DMXL1: variants seen among roughly 807,000 people sequenced by gnomAD.
The protein encoded by DMXL1 is dmX-like protein 1.
DMXL1 carries 99 observed loss-of-function variants against 319.2 expected under a neutral mutation model. That is an observed-to-expected ratio of 0.31 (90% CI 0.26 to 0.37). The LOEUF (loss-of-function observed/expected upper bound fraction) is 0.37. DMXL1 is among the 10% of genes least tolerant of loss of function. The probability of loss-of-function intolerance (pLI) is 1.00; values close to 1 mark genes in which losing one functional copy is unlikely to be tolerated. For missense variants in DMXL1, 3,745 were observed against 3,595.6 expected (o/e 1.04, Z -1.06); for synonymous variants, 1,385 against 1,235.2 (o/e 1.12, Z -2.54).
At chr5:119,117,221 TGTA>T (rs1761039601) in intron 7 of DMXL1, among the ~76,000 whole-genome samples, 1 of 152,082 alleles carries the variant, frequency 6.6e-6, no homozygotes, top group Non-Finnish European at 1.5e-5. Context: ...TCGGATTTTT[TGTA>T]GAGATGGGGT....
At chr5:119,127,861 T>C in intron 9 of DMXL1, 1 of 336,654 alleles carries the variant, frequency 3.0e-6, no homozygotes. Context: ...ATTTCTCTGG[T>C]ATCAGCATGT....
intron 28 of DMXL1, among the ~76,000 whole-genome samples, chr5:119,185,806 C>A (rs939327006): frequency 2.7e-5 from 4 of 147,034 alleles, no homozygotes; most frequent in Non-Finnish European, 4.5e-5. Context: ...CCTGGCCAGA[C>A]TTTTTTTTTT....
intron 3 of DMXL1, chr5:119,104,400 CT>C (rs1757902028): frequency 6.6e-6 from 1 of 152,144 alleles, no homozygotes; most frequent in East Asian, 1.9e-4. Flanking sequence ...CATCCTGAAG[CT>C]TTTGAACCTG....
chr5:119,149,223 C>T lies in DMXL1; in HGVS notation c.3396C>T (p.Ile1132=), dbSNP rs1769236678. 2 of 1,613,818 alleles carry T rather than the reference C, an allele frequency of 1.2e-6. No homozygotes were observed. Among genetic ancestry groups the T allele is most frequent in the Non-Finnish European group, 8.5e-7 (1 of 1,179,850 alleles). The change falls in exon 18 of 44, where the codon ATC becomes ATT. Residue 1132 remains isoleucine (I), a synonymous_variant. Coordinates refer to ENST00000539542, the MANE Select transcript of DMXL1 (RefSeq NM_001290321.3). ...TGTATTTATCTAGTAAAGAGAATATCACATCAAACACAAAGCATTTAGTTC... is the reference window on the plus strand; with the variant it reads ...TGTATTTATCTAGTAAAGAGAATATTACATCAAACACAAAGCATTTAGTTC... ...QDMYLSSKEN[I]TSNTKHLVHL...
intron 28 of DMXL1, among the ~76,000 whole-genome samples, chr5:119,186,320 G>A (rs933556736): frequency 3.3e-5 from 5 of 152,176 alleles, no homozygotes; most frequent in African/African-American, 1.2e-4. Context: ...GCCCAGGCTG[G>A]AGTGCAATGG....
intron 32 of DMXL1, 50 bp downstream of exon 32, chr5:119,198,006 T>C: frequency 6.4e-7 from 1 of 1,565,434 alleles, no homozygotes; most frequent in Non-Finnish European, 8.8e-7. Context: ...GTTTGTTTTT[T>C]GAGATGGTGT....
At chr5:119,203,013 C>G (rs1463805427) in intron 32 of DMXL1, among the ~76,000 whole-genome samples, 2 of 150,568 alleles carry the variant, frequency 1.3e-5, no homozygotes, top group African/African-American at 2.4e-5. Flanking sequence ...TCAAATATTT[C>G]AAAATCTGAA....
At chr5:119,158,419 GCAAA>G (rs1771570528) in intron 19 of DMXL1, among the ~76,000 whole-genome samples, 1 of 152,112 alleles carries the variant, frequency 6.6e-6, no homozygotes, top group South Asian at 2.1e-4. Flanking sequence ...TGTGTTGTTA[GCAAA>G]CAGTGACATT....
chr5:119,216,871 C>T (rs1290206090), intron 34 of DMXL1, 30 bp from the exon 35 acceptor site: 1 of 1,221,484 alleles, frequency 8.2e-7, no homozygotes, highest in Non-Finnish European at 1.2e-6. Flanking sequence ...AAAATCAGTG[C>T]ATTTTTGTGT....
At chr5:119,146,484 C>A (rs1768565797) in intron 15 of DMXL1, among the ~76,000 whole-genome samples, 1 of 151,892 alleles carries the variant, frequency 6.6e-6, no homozygotes, top group South Asian at 2.1e-4. Flanking sequence ...AAATGTTTGG[C>A]ACCACCATTT....
chr5:119,171,357 C>T, intron 24 of DMXL1, 77 bp downstream of exon 24: 2 of 1,402,906 alleles, frequency 1.4e-6, no homozygotes, highest in Non-Finnish European at 1.9e-6. Context: ...GTTTTGAATA[C>T]TAAGACTTGA....
At chr5:119,195,166 C>T (rs1417572282) in intron 30 of DMXL1, among the ~76,000 whole-genome samples, 2 of 151,988 alleles carry the variant, frequency 1.3e-5, no homozygotes, top group Non-Finnish European at 2.9e-5. Context: ...AATCGTGCAG[C>T]AACTGTGGAA....
intron 3 of DMXL1, among the ~76,000 whole-genome samples, chr5:119,102,416 A>T (rs1251841916): frequency 2.6e-5 from 4 of 152,196 alleles, no homozygotes; most frequent in Admixed American, 2.6e-4. Context: ...AGATCATGTA[A>T]TACAGTCGTT....
chr5:119,200,924 C>A (rs567639785), intron 32 of DMXL1, among the ~76,000 whole-genome samples: 1 of 152,064 alleles, frequency 6.6e-6, no homozygotes, highest in Non-Finnish European at 1.5e-5. Flanking sequence ...ATTTTTGTAT[C>A]CTGAAACTTT....
intron 10 of DMXL1, among the ~76,000 whole-genome samples, chr5:119,131,154 G>GTT (rs5870840): frequency 7.0e-6 from 1 of 142,974 alleles, no homozygotes. Flanking sequence ...TTCCTGCTGA[G>GTT]TTTTTTTTTT....
At chr5:119,175,427 C>A (rs1775612422) in intron 26 of DMXL1, 90 bp downstream of exon 26, 2 of 913,086 alleles carry the variant, frequency 2.2e-6, no homozygotes, top group Non-Finnish European at 3.3e-6. Flanking sequence ...CTATATATAA[C>A]AGTCTTTTAA....
chr5:119,128,785 G>A (rs1764168862), intron 9 of DMXL1, among the ~76,000 whole-genome samples: 1 of 152,124 alleles, frequency 6.6e-6, no homozygotes, highest in Non-Finnish European at 1.5e-5. Context: ...CTTAAAATAG[G>A]CCAGGCACGG....
rs774719290 is a variant in DMXL1 at position 119,224,787 on chromosome 5, T to G, written c.8338+18T>G. On this transcript the variant is annotated intron_variant, in intron 38 of 43. Transcript: ENST00000539542. ...TCCTTACTGTAAGTTGAATAATAATTAGCAATTGTCCTTTCTTATTCTTAA... is the reference window on the plus strand; with the variant it reads ...TCCTTACTGTAAGTTGAATAATAATGAGCAATTGTCCTTTCTTATTCTTAA... 39 of 1,118,302 alleles carry G rather than the reference T, an allele frequency of 3.5e-5. No individual in the cohort carries two copies. Among genetic ancestry groups the G allele is most frequent in the Non-Finnish European group, 4.6e-5 (38 of 822,332 alleles). The allele number at this position is 1,118,302 out of a possible 1,614,324, so 69.3% of individuals were successfully genotyped here.
At chr5:119,236,355 T>C (rs138851769) in intron 39 of DMXL1, 6 of 152,184 alleles carry the variant, frequency 3.9e-5, no homozygotes, top group African/African-American at 1.4e-4. Flanking sequence ...TTTCTAGATG[T>C]CTATCCTACA....
Sources: allele counts gnomAD v4.1 joint callset (sites outside exome capture counted in the v4.1 genomes callset), GRCh38; gene constraint gnomAD v4.1.1; transcripts MANE v1.5; gene names NCBI Gene and HGNC (gene_info 2026-07-23, HGNC 2026-07-21).